Variants in RFX7 observed in about 807,000 individuals in gnomAD.
RFX7 encodes regulatory factor X7.
A neutral mutation model predicts 111.8 loss-of-function variants in RFX7; 26 were observed. The observed-to-expected ratio is 0.23, with a 90% CI of 0.17 to 0.32. RFX7 has a LOEUF of 0.32. Ranked by LOEUF, RFX7 falls within the 10% of genes least tolerant of loss-of-function variation. The pLI, the probability that RFX7 is intolerant of heterozygous loss-of-function variation, is 1.00. For missense variants in RFX7, 1,573 were observed against 1,772.9 expected (o/e 0.89, Z 2.02); for synonymous variants, 624 against 624.4 (o/e 1.00, Z 0.01).
chr15:56,120,610 A>T (rs1376569214), intron 5 of RFX7, among the ~76,000 whole-genome samples: 2 of 152,174 alleles, frequency 1.3e-5, no homozygotes, highest in Admixed American at 1.3e-4. Context: ...TTTCAGTATG[A>T]TACTAGCTGT....
intron 5 of RFX7, among the ~76,000 whole-genome samples, chr15:56,111,231 A>G (rs1261076069): frequency 2.8e-4 from 41 of 148,696 alleles, no homozygotes; most frequent in Admixed American, 1.6e-3. Context: ...GAAAAGATTG[A>G]GAAATCGGAT....
At chr15:56,233,407 C>T (rs1371187723) in intron 2 of RFX7, among the ~76,000 whole-genome samples, 1 of 152,136 alleles carries the variant, frequency 6.6e-6, no homozygotes, top group East Asian at 1.9e-4. Context: ...AGGTCCCTCT[C>T]ACAACAGGTG....
chr15:56,110,385 C>A lies in RFX7; in HGVS notation c.402-6715G>T, dbSNP rs1198850529. Among the ~76,000 whole-genome samples, 36 of 120,268 alleles carry A rather than the reference C, an allele frequency of 3.0e-4. 1 individual carries two copies. Among genetic ancestry groups the A allele is most frequent in the African/African-American group, 1.1e-3 (35 of 32,824 alleles). The allele number at this position is 120,268 out of a possible 152,430, so 78.9% of individuals were successfully genotyped here. On this transcript the variant is annotated intron_variant, in intron 5 of 9. Coordinates refer to ENST00000559447, the MANE Select transcript of RFX7 (RefSeq NM_022841.7). Reference sequence around the variant, plus strand: ...GGAGGGAGGTGGGGGGGGTCAGCCCCCCGCCCGGCCAGCCGCCCCGTCCGG... The same window carrying A: ...GGAGGGAGGTGGGGGGGGTCAGCCCACCGCCCGGCCAGCCGCCCCGTCCGG...
intron 2 of RFX7, among the ~76,000 whole-genome samples, chr15:56,209,540 A>C (rs1439700770): frequency 6.6e-6 from 1 of 152,126 alleles, no homozygotes; most frequent in Admixed American, 6.5e-5. Context: ...AATGTTTCTT[A>C]TTTTTAATTG....
At chr15:56,236,241 C>T (rs1457008585) in intron 2 of RFX7, among the ~76,000 whole-genome samples, 1 of 151,990 alleles carries the variant, frequency 6.6e-6, no homozygotes, top group African/African-American at 2.4e-5. Context: ...TATTTACAGT[C>T]GCAAAAAAAG....
intron 2 of RFX7, among the ~76,000 whole-genome samples, chr15:56,183,828 C>CA (rs1567039844): frequency 7.6e-6 from 1 of 131,454 alleles, no homozygotes; most frequent in Non-Finnish European, 1.8e-5. Context: ...TGATAATTTG[C>CA]ATTTTTTTAA....
intron 5 of RFX7, among the ~76,000 whole-genome samples, chr15:56,128,890 T>C (rs1402564039): frequency 6.6e-6 from 1 of 151,962 alleles, no homozygotes; most frequent in Admixed American, 6.6e-5. Context: ...AAAATCACTC[T>C]TATTTCTATA....
intron 2 of RFX7, among the ~76,000 whole-genome samples, chr15:56,238,575 G>A (rs530808380): frequency 1.8e-3 from 277 of 152,152 alleles, no homozygotes; most frequent in Non-Finnish European, 3.0e-3. Flanking sequence ...TGGGCAAAAC[G>A]ATAGATCTTA....
chr15:56,233,698 T>C (rs1478739833), intron 2 of RFX7, among the ~76,000 whole-genome samples: 3 of 152,080 alleles, frequency 2.0e-5, no homozygotes, highest in Non-Finnish European at 2.9e-5. Context: ...TGAAAGCAAT[T>C]TGAGGTGGCA....
intron 2 of RFX7, among the ~76,000 whole-genome samples, chr15:56,204,520 G>A (rs1481396882): frequency 6.6e-6 from 1 of 152,178 alleles, no homozygotes; most frequent in African/African-American, 2.4e-5. Context: ...GAAAATCAGT[G>A]CCAGAGTATT....
Position 56,096,320 on chromosome 15 carries a change from G to C in RFX7, c.1408C>G (p.Leu470Val), listed in dbSNP as rs1421548441. ...AVVPASHMSS[L>V]NVVKMTTISL... is the part of the protein sequence containing the mutation. ...ATTGTTGTCATTTTCACCACATTTA[G>C]AGAACTCATGTGTGAAGCGGGTACA... The change falls in exon 10 of 10, where the codon CTA (leucine) becomes GTA (valine). Residue 470 changes from leucine to valine, a missense_variant. Transcript: ENST00000559447. 4 of 1,613,848 alleles carry C rather than the reference G, an allele frequency of 2.5e-6. No individual in the cohort carries two copies. Among genetic ancestry groups the C allele is most frequent in the South Asian group, 1.1e-5 (1 of 91,080 alleles).
intron 5 of RFX7, among the ~76,000 whole-genome samples, chr15:56,119,619 A>T (rs1294838727): frequency 6.6e-6 from 1 of 151,990 alleles, no homozygotes; most frequent in Non-Finnish European, 1.5e-5. Context: ...TCTACTAAAA[A>T]TACAAAAAAA....
chr15:56,115,634 T>C (rs1236893080), intron 5 of RFX7, among the ~76,000 whole-genome samples: 1 of 152,134 alleles, frequency 6.6e-6, no homozygotes, highest in African/African-American at 2.4e-5. Context: ...GAGGTCTCCG[T>C]TGTTTTAAAT....
chr15:56,243,925 G>A (rs1309993063), upstream of RFX7: 2 of 149,758 alleles, frequency 1.3e-5, no homozygotes, highest in Admixed American at 6.7e-5. Flanking sequence ...CGCTCCGCCG[G>A]GGGGCGTGGA....
chr15:56,181,366 C>T (rs2042971344), intron 2 of RFX7, among the ~76,000 whole-genome samples: 1 of 152,146 alleles, frequency 6.6e-6, no homozygotes, highest in Non-Finnish European at 1.5e-5. Context: ...TAAAATACTC[C>T]CAGTCACTCG....
At chr15:56,175,316 A>C (rs556219802) in intron 3 of RFX7, among the ~76,000 whole-genome samples, 1 of 152,352 alleles carries the variant, frequency 6.6e-6, no homozygotes, top group African/African-American at 2.4e-5. Flanking sequence ...AAGCTCATGA[A>C]TTAAAATTTG....
At chr15:56,139,321 A>T (rs2042352973) in intron 5 of RFX7, among the ~76,000 whole-genome samples, 1 of 151,810 alleles carries the variant, frequency 6.6e-6, no homozygotes, top group Non-Finnish European at 1.5e-5. Flanking sequence ...ATTTCTTTTT[A>T]TTCTTTTTTC....
chr15:56,150,207 A>C (rs2042549655), intron 3 of RFX7, among the ~76,000 whole-genome samples: 2 of 152,126 alleles, frequency 1.3e-5, no homozygotes, highest in Admixed American at 1.3e-4. Context: ...TCTCTGTAAA[A>C]CAGGCAGCAG....
chr15:56,157,497 T>C (rs1027323670), intron 3 of RFX7, among the ~76,000 whole-genome samples: 1 of 152,228 alleles, frequency 6.6e-6, no homozygotes, highest in Non-Finnish European at 1.5e-5. Context: ...GGATTCTTTA[T>C]TACAGATGAA....
Sources: gnomAD v4.1 joint callset for allele counts (sites outside exome capture counted in the v4.1 genomes callset) on GRCh38, gnomAD v4.1.1 for gene constraint, MANE v1.5 for transcripts, NCBI Gene and HGNC (gene_info 2026-07-23, HGNC 2026-07-21) for gene names.